The following INSL6 variants were observed in gnomAD, a reference collection of about 807,000 sequenced individuals.
INSL6 encodes the protein insulin like 6, also known as insulin-like peptide INSL6.
Under a neutral mutation model 9.4 loss-of-function variants are expected in INSL6, and 16 were observed. The ratio of observed to expected loss-of-function variants is 1.70; its 90% CI spans 1.15 to 2.59. The LOEUF (loss-of-function observed/expected upper bound fraction) is 2.59, where lower values mean the gene tolerates loss of function less well. INSL6 is among the 30% of genes most tolerant of loss of function. The pLI, the probability that INSL6 is intolerant of heterozygous loss-of-function variation, is 0.00. For missense variants in INSL6, 391 were observed against 257.3 expected (o/e 1.52, Z -3.56); for synonymous variants, 154 against 96.9 (o/e 1.59, Z -3.46).
At chr9:5,081,211 T>C in the INSL6 span, among the ~76,000 whole-genome samples, 1 of 152,130 alleles carries the variant, frequency 6.6e-6, no homozygotes, top group African/African-American at 2.4e-5. Context: ...ACCTTTTCTT[T>C]CAGTAACCTA....
chr9:5,130,580 TG>T (rs1369158066), intron 3 of INSL6, among the ~76,000 whole-genome samples: 5 of 152,170 alleles, frequency 3.3e-5, no homozygotes, highest in Admixed American at 3.3e-4. Context: ...TATACATAGA[TG>T]AAAATGTTTA....
chr9:5,003,803 C>T, the INSL6 span, among the ~76,000 whole-genome samples: 1 of 151,932 alleles, frequency 6.6e-6, no homozygotes, highest in Non-Finnish European at 1.5e-5. Flanking sequence ...AGAACAAGAT[C>T]AATATTTTAC....
chr9:5,103,221 CAAAAAAAAAAAAAAAAAAAAAA>C, the INSL6 span, among the ~76,000 whole-genome samples: 43 of 6,850 alleles, frequency 6.3e-3, 1 homozygote, highest in African/African-American at 0.023. Context: ...AAAGGGAAAG[CAAAAAAAAAAAAAAAAAAAAAA>C]AAAAAAAAAA....
At chr9:5,115,242 TG>T in the INSL6 span, among the ~76,000 whole-genome samples, 1 of 151,580 alleles carries the variant, frequency 6.6e-6, no homozygotes, top group Non-Finnish European at 1.5e-5. Flanking sequence ...CATCAAAAAG[TG>T]GGTAAAGGAT....
At chr9:5,022,287 A>G in the INSL6 span, 3 of 888,980 alleles carry the variant, frequency 3.4e-6, no homozygotes, top group South Asian at 3.5e-5. Flanking sequence ...TACTAGGTAC[A>G]TGCATAATAT....
the INSL6 span, among the ~76,000 whole-genome samples, chr9:5,105,852 C>T: frequency 6.6e-6 from 1 of 152,190 alleles, no homozygotes; most frequent in South Asian, 2.1e-4. Context: ...GGAAAACTGG[C>T]TAGCCATATG....
In INSL6 at chr9:5,152,822, G is replaced by T. The variant is rs1212327258; in HGVS notation, c.376+11357C>A. Among the ~76,000 whole-genome samples, 3 of 152,334 alleles carry T rather than the reference G, an allele frequency of 2.0e-5. No homozygotes were observed. The South Asian group carries it at 6.2e-4, about 32-fold the overall frequency. ...AGCAAGATCGACGCAGAAGGCAGGT[G>T]ATTTCTGCATTTCCAACTAAGGTAC... On this transcript the variant is annotated intron_variant, in intron 2 of 3. Coordinates refer to the INSL6 transcript ENST00000649639.
the INSL6 span, among the ~76,000 whole-genome samples, chr9:5,035,155 C>A: frequency 1.2e-4 from 19 of 152,290 alleles, no homozygotes; most frequent in Admixed American, 9.8e-4. Context: ...AATTCCTGGA[C>A]ACATACACCC....
the INSL6 span, among the ~76,000 whole-genome samples, chr9:5,116,143 T>G: frequency 6.6e-6 from 1 of 152,218 alleles, no homozygotes; most frequent in East Asian, 1.9e-4. Context: ...TTAATCCTCA[T>G]AACAACCCTT....
At chr9:5,039,424 C>G in the INSL6 span, among the ~76,000 whole-genome samples, 2 of 152,006 alleles carry the variant, frequency 1.3e-5, no homozygotes, top group Non-Finnish European at 2.9e-5. Flanking sequence ...TTAAAGTATA[C>G]TGAAGGATGT....
chr9:5,007,203 CAT>C, the INSL6 span, among the ~76,000 whole-genome samples: 1 of 151,952 alleles, frequency 6.6e-6, no homozygotes, highest in African/African-American at 2.4e-5. Flanking sequence ...TATTTAATAA[CAT>C]TGTTCAGCCT....
chr9:5,018,832 G>C, the INSL6 span, among the ~76,000 whole-genome samples: 1 of 151,976 alleles, frequency 6.6e-6, no homozygotes, highest in East Asian at 1.9e-4. Flanking sequence ...TTCATATATC[G>C]TTCCATTCTC....
chr9:5,086,667 C>A, the INSL6 span, among the ~76,000 whole-genome samples: 1 of 152,180 alleles, frequency 6.6e-6, no homozygotes, highest in Non-Finnish European at 1.5e-5. Context: ...ACTCTATAAT[C>A]CCATGTAATA....
intron 3 of INSL6, chr9:5,126,106 C>A: frequency 2.6e-6 from 1 of 385,270 alleles, no homozygotes; most frequent in Non-Finnish European, 4.6e-6. Context: ...GAGCCCTCCT[C>A]AGGGGATTTG....
chr9:5,123,130 G>T, downstream of INSL6: 2 of 1,527,866 alleles, frequency 1.3e-6, no homozygotes, highest in Non-Finnish European at 8.9e-7. Flanking sequence ...CGGTCAGTGT[G>T]CTTTTTATTT....
chr9:5,122,574 G>A (rs551907740), downstream of INSL6, among the ~76,000 whole-genome samples: 1 of 152,020 alleles, frequency 6.6e-6, no homozygotes, highest in Non-Finnish European at 1.5e-5. Context: ...CTATGTCAGA[G>A]ATTCCCAAGA....
chr9:5,089,948 C>A, the INSL6 span: 3 of 920,982 alleles, frequency 3.3e-6, no homozygotes, highest in Non-Finnish European at 3.0e-6. Flanking sequence ...TCTTAACGAT[C>A]TGGACTTATG....
the INSL6 span, among the ~76,000 whole-genome samples, chr9:5,058,048 A>G: frequency 0.089 from 13,562 of 152,148 alleles, 1,810 homozygotes; most frequent in African/African-American, 0.29. Flanking sequence ...ATATGTATGT[A>G]TTCTGTGTCA....
chr9:5,152,673 C>T (rs1448043252), intron 2 of INSL6, among the ~76,000 whole-genome samples: 8 of 151,964 alleles, frequency 5.3e-5, no homozygotes, highest in African/African-American at 1.9e-4. Context: ...AAGCTAGAAG[C>T]ATAAAACAAC....
Sources: allele counts gnomAD v4.1 joint callset (sites outside exome capture counted in the v4.1 genomes callset), GRCh38; gene constraint gnomAD v4.1.1; transcripts MANE v1.5; gene names NCBI Gene and HGNC (gene_info 2026-07-23, HGNC 2026-07-21).